GHRHR: variants seen among roughly 807,000 people sequenced by gnomAD.
GHRHR encodes the protein growth hormone-releasing hormone receptor.
GHRHR carries 40 observed loss-of-function variants against 58.3 expected under a neutral mutation model. That is an observed-to-expected ratio of 0.69 (90% CI 0.53 to 0.89). The LOEUF (loss-of-function observed/expected upper bound fraction) is 0.89. Among genes scored for constraint, GHRHR ranks in the 40% least tolerant of loss-of-function variants. GHRHR has a pLI of 0.00. For synonymous variants in GHRHR, 249 were observed against 216.6 expected, an observed-to-expected ratio of 1.15 and a Z score of -1.31; for missense variants, 551 against 541.3, an observed-to-expected ratio of 1.02 and a Z score of -0.18.
At chr7:30,974,339 C>T (rs772228471) in intron 7 of GHRHR, 90 bp from the exon 8 acceptor site, 23 of 1,139,588 alleles carry the variant, frequency 2.0e-5, no homozygotes, top group Admixed American at 1.4e-4. Flanking sequence ...CAGTGCCCTA[C>T]GTGGCTGATG....
intron 1 of GHRHR, among the ~76,000 whole-genome samples, chr7:30,967,271 A>G (rs1312824388): frequency 6.6e-6 from 1 of 152,184 alleles, no homozygotes; most frequent in East Asian, 1.9e-4. Flanking sequence ...AGAACTTGTT[A>G]AAATACAAAG....
intron 1 of GHRHR, among the ~76,000 whole-genome samples, chr7:30,967,485 G>T (rs1338492422): frequency 1.3e-5 from 2 of 152,166 alleles, no homozygotes; most frequent in Non-Finnish European, 2.9e-5. Flanking sequence ...TTTCAAGGTT[G>T]CTCAGCCATC....
At chr7:30,969,502 T>G (rs1792436466) in intron 3 of GHRHR, 1 of 596,712 alleles carries the variant, frequency 1.7e-6, no homozygotes, top group Non-Finnish European at 3.0e-6. Context: ...CTGCCCAGGA[T>G]GGAGAGGGTG....
At chr7:30,967,638 T>C (rs912684806) in intron 1 of GHRHR, among the ~76,000 whole-genome samples, 1 of 105,014 alleles carries the variant, frequency 9.5e-6, no homozygotes, top group African/African-American at 5.0e-5. Flanking sequence ...TATATTTGTC[T>C]GTCTGTCTGT....
chr7:30,974,860 C>CTG (rs1371426418), intron 8 of GHRHR, 111 bp from the exon 9 acceptor site: 3 of 804,274 alleles, frequency 3.7e-6, no homozygotes. Flanking sequence ...GGAGAAAAGG[C>CTG]TGGAGGGGAG....
intron 1 of GHRHR, among the ~76,000 whole-genome samples, chr7:30,968,508 A>G (rs1364852044): frequency 2.0e-5 from 3 of 151,964 alleles, no homozygotes; most frequent in Non-Finnish European, 4.4e-5. Flanking sequence ...ACTTTGGGCA[A>G]GTCGGTCAAC....
In GHRHR at chr7:30,969,199, A is replaced by T. The variant is rs755889034; in HGVS notation, c.268+29A>T. On this transcript the variant is annotated intron_variant, in intron 3 of 12. Coordinates refer to ENST00000326139, the MANE Select transcript of GHRHR (RefSeq NM_000823.4). ...AGGGGTGCTGGGTGTGGCGGTGGGA[A>T]AGGGAGGTGCTTTCATCTGGAAGTG... 15 of 1,403,278 alleles carry T rather than the reference A, an allele frequency of 1.1e-5. No individual in the cohort carries two copies. The South Asian group carries it at 1.6e-4, about 15-fold the overall frequency. The allele number at this position is 1,403,278 out of a possible 1,614,324, so 86.9% of individuals were successfully genotyped here. A position where few individuals can be genotyped will look rare whatever the true frequency, so the allele number is the denominator to read the frequency against.
chr7:30,966,460 A>T (rs888084827), intron 1 of GHRHR, among the ~76,000 whole-genome samples: 1 of 151,676 alleles, frequency 6.6e-6, no homozygotes, highest in Non-Finnish European at 1.5e-5. Flanking sequence ...TCCCAAATAC[A>T]CCTTTTCCCA....
chr7:30,966,823 G>C (rs1437961779), intron 1 of GHRHR, among the ~76,000 whole-genome samples: 1 of 152,052 alleles, frequency 6.6e-6, no homozygotes, highest in Non-Finnish European at 1.5e-5. Flanking sequence ...TTGTATTTTT[G>C]TAGAGATAGT....
intron 1 of GHRHR, among the ~76,000 whole-genome samples, chr7:30,967,648 T>C (rs1037273871): frequency 1.2e-4 from 19 of 152,198 alleles, no homozygotes; most frequent in African/African-American, 4.1e-4. Flanking sequence ...TGTCTGTCTG[T>C]ATACTCATCC....
chr7:30,977,807 A>T (rs968909198), intron 12 of GHRHR, among the ~76,000 whole-genome samples: 2 of 152,236 alleles, frequency 1.3e-5, no homozygotes, highest in Non-Finnish European at 2.9e-5. Context: ...AGAAACAGAG[A>T]GAGCACCTAA....
intron 11 of GHRHR, among the ~76,000 whole-genome samples, chr7:30,976,837 CA>C (rs1280200058): frequency 1.3e-5 from 2 of 151,868 alleles, no homozygotes; most frequent in Non-Finnish European, 1.5e-5. Flanking sequence ...CCCATCCATC[CA>C]TCCATCCATC....
chr7:30,966,551 C>G (rs559326275), intron 1 of GHRHR, among the ~76,000 whole-genome samples: 4 of 152,286 alleles, frequency 2.6e-5, no homozygotes, highest in African/African-American at 9.6e-5. Context: ...CTAAAAAATG[C>G]TCCCTTGTCC....
Position 30,969,974 on chromosome 7 carries a change from T to C in GHRHR, c.366+10T>C. ...GCTGCTGGCTGAGGAGGTAAGAGTC[T>C]TCTGGCATCTTGGAGGAAGGACTGC... On this transcript the variant is annotated intron_variant, in intron 4 of 12. Coordinates refer to ENST00000326139, the MANE Select transcript of GHRHR (RefSeq NM_000823.4). 2 of 1,068,062 alleles carry C rather than the reference T, an allele frequency of 1.9e-6. No individual in the cohort carries two copies. Among genetic ancestry groups the C allele is most frequent in the Non-Finnish European group, 2.9e-6 (2 of 680,600 alleles). The allele number at this position is 1,068,062 out of a possible 1,614,324, so 66.2% of individuals were successfully genotyped here.
chr7:30,978,852 C>G lies in GHRHR; in HGVS notation c.1147-267C>G, dbSNP rs145697299. The stretch of plus-strand genomic sequence containing the variant: ...ATTTGGCCAGGAACTCAAGAAAGCA[C>G]CTATAAATGTCTTTAACTGGGCTCA... On this transcript the variant is annotated intron_variant, in intron 12 of 12. Transcript: ENST00000326139. Among the ~76,000 whole-genome samples, 39 of 152,222 alleles carry G rather than the reference C, an allele frequency of 2.6e-4. 1 individual carries two copies. In the East Asian group the frequency reaches 6.6e-3, roughly 26 times the overall value.
At chr7:30,964,286 C>G (rs1388659698) in intron 1 of GHRHR, among the ~76,000 whole-genome samples, 161 bp downstream of exon 1, 1 of 152,202 alleles carries the variant, frequency 6.6e-6, no homozygotes, top group Admixed American at 6.5e-5. Flanking sequence ...GCCCCTGACA[C>G]TGGGGCTCCC....
intron 11 of GHRHR, 25 bp downstream of exon 11, chr7:30,976,583 T>A: frequency 1.2e-6 from 2 of 1,609,160 alleles, no homozygotes; most frequent in South Asian, 2.2e-5. Context: ...AGGCACTCTT[T>A]CTTTCCATTG....
intron 9 of GHRHR, 50 bp from the exon 10 acceptor site, chr7:30,975,727 A>G (rs1242258245): frequency 6.3e-6 from 7 of 1,104,542 alleles, no homozygotes; most frequent in Non-Finnish European, 9.8e-6. Flanking sequence ...CAGCCACCCA[A>G]GGCTACCCCC....
In GHRHR at chr7:30,968,868, T is replaced by A; in HGVS notation, c.92T>A (p.Ile31Asn). 2 of 1,613,932 alleles carry A rather than the reference T, an allele frequency of 1.2e-6. No individual in the cohort carries two copies. Among genetic ancestry groups the A allele is most frequent in the South Asian group, 2.2e-5 (2 of 91,052 alleles). The change falls in exon 2 of 13, where the codon ATC (isoleucine) becomes AAC (asparagine). Residue 31 changes from isoleucine (I) to asparagine (N), a missense_variant. Physicochemically the swap from Ile to Asn is moderately radical, Grantham distance 149. Coordinates refer to ENST00000326139, the MANE Select transcript of GHRHR (RefSeq NM_000823.4). ...CACATGCACCCAGAATGTGACTTCA[T>A]CACCCAGCTGAGAGAGGATGAGAGT... ...LGHMHPECDF[I>N]TQLREDESAC...
Sources: gnomAD v4.1 joint callset for allele counts (sites outside exome capture counted in the v4.1 genomes callset) on GRCh38, gnomAD v4.1.1 for gene constraint, MANE v1.5 for transcripts, NCBI Gene and HGNC (gene_info 2026-07-23, HGNC 2026-07-21) for gene names.